The following GRIN2A variants were observed in gnomAD, a reference collection of about 807,000 sequenced individuals.
The protein encoded by GRIN2A is glutamate ionotropic receptor NMDA type subunit 2A, also known as glutamate receptor ionotropic, NMDA 2A.
GRIN2A carries 22 observed loss-of-function variants against 113.4 expected under a neutral mutation model. The observed-to-expected ratio is 0.19, with a 90% CI of 0.14 to 0.28. The LOEUF is 0.28. GRIN2A is among the 10% of genes least tolerant of loss of function. The pLI, the probability that GRIN2A is intolerant of heterozygous loss-of-function variation, is 1.00. For missense variants in GRIN2A, 1,502 were observed against 1,887.0 expected, an observed-to-expected ratio of 0.80 and a Z score of 3.78; for synonymous variants, 827 against 738.4, an observed-to-expected ratio of 1.12 and a Z score of -1.94.
Position 10,167,931 on chromosome 16 carries a change from C to A in GRIN2A, c.414+12067G>T, listed in dbSNP as rs2049959490. On this transcript the variant is annotated intron_variant, in intron 2 of 12. Coordinates refer to ENST00000330684, the MANE Select transcript of GRIN2A (RefSeq NM_001134407.3). ...CAGATGTTCCAAATGCAGGAGAATA[C>A]AACTGACTAAAAAGAATAATTTGTC... Among the ~76,000 whole-genome samples the A allele has an allele frequency of 3.3e-5, 5 of 152,224 alleles. No individual in the cohort carries two copies. In the South Asian group the frequency reaches 1.0e-3, roughly 32 times the overall value.
intron 2 of GRIN2A, among the ~76,000 whole-genome samples, chr16:10,115,253 T>G (rs1171746445): frequency 1.3e-5 from 2 of 152,188 alleles, no homozygotes; most frequent in East Asian, 1.9e-4. Context: ...GCTTACTTTG[T>G]AATTTCCTTA....
chr16:10,021,427 G>T (rs542199566), intron 2 of GRIN2A, among the ~76,000 whole-genome samples: 4 of 152,326 alleles, frequency 2.6e-5, no homozygotes, highest in African/African-American at 9.6e-5. Context: ...GCTGGTAAGT[G>T]TTGGAGCCAG....
chr16:10,016,780 C>T (rs185795159), intron 2 of GRIN2A, among the ~76,000 whole-genome samples: 17 of 152,346 alleles, frequency 1.1e-4, no homozygotes, highest in African/African-American at 1.4e-4. Context: ...GGCCTGGACT[C>T]GCACAAGGGC....
Position 10,180,486 on chromosome 16 carries a change from G to A in GRIN2A, c.-18-57C>T. Reference sequence around the variant, plus strand: ...GGTGAGCAAGGCGACCAGAAGAAAGGGATTACCAACTTGGCTTCCTGCTCT... The same window carrying A: ...GGTGAGCAAGGCGACCAGAAGAAAGAGATTACCAACTTGGCTTCCTGCTCT... On this transcript the variant is annotated intron_variant, in intron 1 of 12. Transcript: ENST00000330684. This position sits in a 1 kb window ranked among gnomAD's most constrained non-coding sequence, Gnocchi z 7.0. The A allele has an allele frequency of 1.3e-6, 2 of 1,549,298 alleles. No homozygotes were observed. Among genetic ancestry groups the A allele is most frequent in the Non-Finnish European group, 1.7e-6 (2 of 1,153,752 alleles).
At chr16:9,826,156 T>C (rs1362371462) in intron 9 of GRIN2A, among the ~76,000 whole-genome samples, 7 of 152,124 alleles carry the variant, frequency 4.6e-5, no homozygotes, top group Admixed American at 1.3e-4. Flanking sequence ...TTCTCTTTTA[T>C]AGGAAATTAA....
At chr16:10,161,152 C>T (rs536548833) in intron 2 of GRIN2A, among the ~76,000 whole-genome samples, 1 of 152,304 alleles carries the variant, frequency 6.6e-6, no homozygotes, top group African/African-American at 2.4e-5. Flanking sequence ...AATGGTTACC[C>T]CCATGCTGTT....
intron 10 of GRIN2A, among the ~76,000 whole-genome samples, chr16:9,813,533 T>TA (rs34895603): frequency 2.0e-5 from 3 of 150,932 alleles, no homozygotes; most frequent in Non-Finnish European, 3.0e-5. Context: ...TTTTTTTTTT[T>TA]CCGTCTCTGA....
chr16:10,123,006 A>T (rs2142188232), intron 2 of GRIN2A, among the ~76,000 whole-genome samples: 1 of 152,350 alleles, frequency 6.6e-6, no homozygotes, highest in Admixed American at 6.5e-5. Context: ...CCTAATAAAG[A>T]ACTAGAGCTG....
intron 2 of GRIN2A, among the ~76,000 whole-genome samples, chr16:10,100,061 C>T (rs770948354): frequency 6.6e-6 from 1 of 152,080 alleles, no homozygotes; most frequent in Non-Finnish European, 1.5e-5. Context: ...ACAGCAGGTG[C>T]AAAGGGCCCA....
intron 2 of GRIN2A, among the ~76,000 whole-genome samples, chr16:9,992,065 A>C (rs1193639873): frequency 4.6e-5 from 7 of 152,214 alleles, no homozygotes; most frequent in Admixed American, 2.6e-4. Flanking sequence ...CTTAAAGTAT[A>C]ATAATTAAAA....
intron 2 of GRIN2A, among the ~76,000 whole-genome samples, chr16:10,139,573 C>T (rs2049279705): frequency 6.6e-6 from 1 of 152,136 alleles, no homozygotes; most frequent in Admixed American, 6.6e-5. Context: ...AGTAGTAAGG[C>T]CTTGGATGTT....
intron 3 of GRIN2A, among the ~76,000 whole-genome samples, chr16:9,911,891 C>A (rs2044146799): frequency 6.6e-6 from 1 of 152,130 alleles, no homozygotes; most frequent in Non-Finnish European, 1.5e-5. Flanking sequence ...AAAAGCAGCT[C>A]CTAAAGGGTG....
At chr16:10,170,341 G>C (rs535663484) in intron 2 of GRIN2A, among the ~76,000 whole-genome samples, 1 of 152,194 alleles carries the variant, frequency 6.6e-6, no homozygotes, top group Admixed American at 6.5e-5. Flanking sequence ...AAACTATTGA[G>C]AGAGGTTGGT....
intron 3 of GRIN2A, among the ~76,000 whole-genome samples, chr16:9,908,903 C>T (rs1486145416): frequency 6.6e-6 from 1 of 152,180 alleles, no homozygotes; most frequent in East Asian, 1.9e-4. Context: ...AGTTTCAGAG[C>T]TGGCTGGGGG....
chr16:10,072,232 G>T (rs921927626), intron 2 of GRIN2A, among the ~76,000 whole-genome samples: 1 of 152,190 alleles, frequency 6.6e-6, no homozygotes, highest in South Asian at 2.1e-4. Flanking sequence ...TAGGGAAATT[G>T]GAGGTACGTG....
intron 2 of GRIN2A, among the ~76,000 whole-genome samples, chr16:10,127,303 G>GA (rs1201256059): frequency 1.3e-5 from 2 of 151,764 alleles, no homozygotes; most frequent in African/African-American, 2.4e-5. Flanking sequence ...TGTTCAAGAT[G>GA]AATCACCTGT....
chr16:9,824,003 G>C (rs2042339190), intron 9 of GRIN2A, among the ~76,000 whole-genome samples: 1 of 152,222 alleles, frequency 6.6e-6, no homozygotes, highest in African/African-American at 2.4e-5. Context: ...GCCAGGGTAA[G>C]TGTCCAAATT....
chr16:9,974,670 T>A (rs1242536781), intron 2 of GRIN2A, among the ~76,000 whole-genome samples: 1 of 152,206 alleles, frequency 6.6e-6, no homozygotes, highest in Non-Finnish European at 1.5e-5. Flanking sequence ...GAGTAGGCCC[T>A]ATACTGAAAA....
At chr16:9,910,359 T>G (rs936082577) in intron 3 of GRIN2A, among the ~76,000 whole-genome samples, 4 of 152,040 alleles carry the variant, frequency 2.6e-5, no homozygotes, top group African/African-American at 9.7e-5. Flanking sequence ...GGCAAATTTT[T>G]TGTTTTCTGT....
Sources: allele counts gnomAD v4.1 joint callset (sites outside exome capture counted in the v4.1 genomes callset), GRCh38; gene constraint gnomAD v4.1.1; non-coding constraint Gnocchi (gnomAD v3.1); transcripts MANE v1.5; gene names NCBI Gene and HGNC (gene_info 2026-07-23, HGNC 2026-07-21).